The following QTMAN variants were observed in gnomAD, a reference collection of about 807,000 sequenced individuals.
QTMAN encodes tRNA-queuosine alpha-mannosyltransferase.
chr2:144,271,028 C>T, the QTMAN span, among the ~76,000 whole-genome samples: 1 of 152,278 alleles, frequency 6.6e-6, no homozygotes, highest in African/African-American at 2.4e-5. Flanking sequence ...TTAATATTTT[C>T]TCTTCTTATG....
the QTMAN span, among the ~76,000 whole-genome samples, chr2:143,974,158 T>A: frequency 1.3e-5 from 2 of 152,242 alleles, no homozygotes; most frequent in Non-Finnish European, 2.9e-5. Flanking sequence ...ATTAAACATA[T>A]GTACGGTAGT....
chr2:144,088,429 T>C, the QTMAN span, among the ~76,000 whole-genome samples: 9 of 152,178 alleles, frequency 5.9e-5, no homozygotes, highest in African/African-American at 1.9e-4. Context: ...GCAATCCCTA[T>C]CCAAATACCA....
At chr2:143,988,273 C>G in the QTMAN span, among the ~76,000 whole-genome samples, 1 of 152,176 alleles carries the variant, frequency 6.6e-6, no homozygotes, top group East Asian at 1.9e-4. Context: ...TGAGGAGTCC[C>G]TGCAGTGCAC....
the QTMAN span, among the ~76,000 whole-genome samples, chr2:144,098,714 CAAA>C: frequency 8.1e-6 from 1 of 124,006 alleles, no homozygotes. Flanking sequence ...GACTCTGTCT[CAAA>C]AAAAAAAAAA....
chr2:143,990,875 A>AT, the QTMAN span, among the ~76,000 whole-genome samples: 1 of 152,260 alleles, frequency 6.6e-6, no homozygotes, highest in East Asian at 1.9e-4. Flanking sequence ...GTTTAAAGAA[A>AT]TAAGAGACTA....
the QTMAN span, among the ~76,000 whole-genome samples, chr2:144,315,035 A>C: frequency 6.6e-6 from 1 of 152,042 alleles, no homozygotes; most frequent in African/African-American, 2.4e-5. Flanking sequence ...ACAGGCACGC[A>C]CCACCATCCC....
At chr2:144,031,721 T>C in the QTMAN span, among the ~76,000 whole-genome samples, 1 of 152,160 alleles carries the variant, frequency 6.6e-6, no homozygotes, top group African/African-American at 2.4e-5. Context: ...ATGCAGTTTA[T>C]GAAATTTTTA....
At chr2:144,048,248 A>G in the QTMAN span, among the ~76,000 whole-genome samples, 24,662 of 152,184 alleles carry the variant, frequency 0.16, 3,814 homozygotes, top group African/African-American at 0.39. Flanking sequence ...TCAGCTCAGC[A>G]ATTAATATAC....
chr2:144,168,172 T>C, the QTMAN span, among the ~76,000 whole-genome samples: 1 of 152,316 alleles, frequency 6.6e-6, no homozygotes, highest in Admixed American at 6.5e-5. Flanking sequence ...TACGGCCTGT[T>C]TAATGGGTAG....
At chr2:144,085,361 C>T in the QTMAN span, among the ~76,000 whole-genome samples, 2 of 152,164 alleles carry the variant, frequency 1.3e-5, no homozygotes, top group Admixed American at 6.5e-5. Context: ...CCTTGTCAAA[C>T]GGGATGACAA....
chr2:143,980,516 C>G, the QTMAN span, among the ~76,000 whole-genome samples: 1 of 152,126 alleles, frequency 6.6e-6, no homozygotes, highest in East Asian at 1.9e-4. Flanking sequence ...AAATCTAGAT[C>G]AAGTCTCTGT....
At chr2:144,067,026 T>C in the QTMAN span, among the ~76,000 whole-genome samples, 3 of 152,218 alleles carry the variant, frequency 2.0e-5, no homozygotes, top group African/African-American at 7.2e-5. Flanking sequence ...CTTCAAAATA[T>C]ATCCTGAATT....
chr2:144,329,906 C>A, the QTMAN span, among the ~76,000 whole-genome samples: 1 of 152,174 alleles, frequency 6.6e-6, no homozygotes, highest in Non-Finnish European at 1.5e-5. Flanking sequence ...AACAGGTATA[C>A]ACAGATGAGT....
chr2:143,946,857 G>A, the QTMAN span: 1 of 559,436 alleles, frequency 1.8e-6, no homozygotes, highest in Non-Finnish European at 3.2e-6. Flanking sequence ...ATTTGAGTTG[G>A]GGTGGTGGCA....
At chr2:144,105,128 G>A in the QTMAN span, among the ~76,000 whole-genome samples, 36 of 152,280 alleles carry the variant, frequency 2.4e-4, no homozygotes, top group African/African-American at 8.7e-4. Context: ...ATCAAAGATC[G>A]AAGGTAGATA....
chr2:144,190,720 T>A, the QTMAN span, among the ~76,000 whole-genome samples: 6 of 152,264 alleles, frequency 3.9e-5, no homozygotes, highest in Middle Eastern at 3.4e-3. Flanking sequence ...TTTTTAATGA[T>A]GTAGAAGGAG....
chr2:144,152,571 A>G, the QTMAN span, among the ~76,000 whole-genome samples: 2 of 152,148 alleles, frequency 1.3e-5, no homozygotes, highest in African/African-American at 4.8e-5. Flanking sequence ...ATACATTGAA[A>G]TTTTTATTGC....
the QTMAN span, among the ~76,000 whole-genome samples, chr2:144,111,242 A>AT: frequency 6.6e-6 from 1 of 152,130 alleles, no homozygotes; most frequent in African/African-American, 2.4e-5. Flanking sequence ...GTAGGCTTTG[A>AT]TTCCCACATC....
chr2:144,163,181 T>C, the QTMAN span, among the ~76,000 whole-genome samples: 14 of 152,088 alleles, frequency 9.2e-5, no homozygotes, highest in Non-Finnish European at 2.1e-4. Context: ...ACTAGATACA[T>C]AGGAAAAGAC....
Sources: allele counts gnomAD v4.1 joint callset (sites outside exome capture counted in the v4.1 genomes callset), GRCh38; gene constraint gnomAD v4.1.1; transcripts MANE v1.5; gene names NCBI Gene and HGNC (gene_info 2026-07-23, HGNC 2026-07-21).